FBXO32: variants seen among roughly 807,000 people sequenced by gnomAD.
FBXO32 encodes F-box only protein 32.
A neutral mutation model predicts 48.3 loss-of-function variants in FBXO32; 15 were observed. That is an observed-to-expected ratio of 0.31 (90% CI 0.21 to 0.48). FBXO32 has a LOEUF of 0.48. Among genes scored for constraint, FBXO32 ranks in the 20% least tolerant of loss-of-function variants. FBXO32 has a pLI of 0.99. For missense variants in FBXO32, 309 were observed against 432.7 expected (o/e 0.71, Z 2.54); for synonymous variants, 154 against 165.9 (o/e 0.93, Z 0.55).
intron 1 of FBXO32, among the ~76,000 whole-genome samples, chr8:123,538,434 T>G (rs1389288043): frequency 6.6e-6 from 1 of 152,166 alleles, no homozygotes; most frequent in Non-Finnish European, 1.5e-5. Context: ...AGGGCCTGCC[T>G]TTTGTTTTCT....
chr8:123,513,782 G>C lies in FBXO32; in HGVS notation c.467-400C>G, dbSNP rs1319625489. On this transcript the variant is annotated intron_variant, in intron 5 of 8. Coordinates refer to ENST00000517956, the MANE Select transcript of FBXO32 (RefSeq NM_058229.4). This position sits in a 1 kb window ranked among gnomAD's most constrained non-coding sequence, Gnocchi z 4.3. ...TCTAATCCTGTCTGGCTGACTCTCT[G>C]TGTGATTATGGACAAATCACTTCTC... Among the ~76,000 whole-genome samples, 1 of 152,158 alleles carries C rather than the reference G, an allele frequency of 6.6e-6. No individual in the cohort carries two copies. The highest frequency in any genetic ancestry group is 1.5e-5 in the Non-Finnish European group (1 of 68,028).
chr8:123,540,978 G>GC lies in FBXO32; in HGVS notation c.36dup (p.Gln13AlafsTer16). On this transcript the variant is annotated frameshift_variant, in exon 1 of 9. Coordinates refer to ENST00000517956, the MANE Select transcript of FBXO32 (RefSeq NM_058229.4). LOFTEE classifies it high-confidence loss of function. This position sits in a 1 kb window ranked among gnomAD's most constrained non-coding sequence, Gnocchi z 6.4. ...CCGTCGGCCGTCTTCACCCAGTTCT[G>GC]CCCGGGGGACCGCCAGTCCTGCCCG... 6.2e-7 allele frequency: 1 copy of GC among 1,612,814 alleles called. No individual in the cohort carries two copies. The highest frequency in any genetic ancestry group is 8.5e-7 in the Non-Finnish European group (1 of 1,179,466).
At chr8:123,531,040 C>T (rs561276525) in intron 4 of FBXO32, among the ~76,000 whole-genome samples, 142 of 138,404 alleles carry the variant, frequency 1.0e-3, no homozygotes, top group South Asian at 1.9e-3. Flanking sequence ...AGTGCAATGG[C>T]GCAATCTCAG....
At chr8:123,536,987 C>A (rs1817321315) in intron 1 of FBXO32, among the ~76,000 whole-genome samples, 1 of 152,102 alleles carries the variant, frequency 6.6e-6, no homozygotes, top group Non-Finnish European at 1.5e-5. Flanking sequence ...AAAGTTTTAA[C>A]CAAAGAGAAA....
At chr8:123,503,535 T>G in intron 8 of FBXO32, 73 bp from the exon 9 acceptor site, 1 of 1,204,912 alleles carries the variant, frequency 8.3e-7, no homozygotes, top group Non-Finnish European at 1.2e-6. Flanking sequence ...TAAGGCATTT[T>G]CCAACTTCAA....
At chr8:123,536,223 T>G (rs1817306698) in intron 1 of FBXO32, among the ~76,000 whole-genome samples, 1 of 152,240 alleles carries the variant, frequency 6.6e-6, no homozygotes, top group Non-Finnish European at 1.5e-5. Context: ...TTGAGTTTCC[T>G]ACTAAACTCA....
rs557861412 is a variant in FBXO32 at position 123,507,587 on chromosome 8, G to A, written c.652-1013C>T. ...GCCTCCGTGGAGCATTGTGAAAACT[G>A]CTGGTCTGTGGATGATACCTTGGCA... On this transcript the variant is annotated intron_variant, in intron 6 of 8. Transcript: ENST00000517956. 1.4e-4 allele frequency among the ~76,000 whole-genome samples: 21 copies of A among 152,204 alleles called. No homozygotes were observed. In the South Asian group the frequency reaches 3.7e-3, roughly 27 times the overall value.
In FBXO32 at chr8:123,513,449, C is replaced by T. The variant is rs1453522723; in HGVS notation, c.467-67G>A. On this transcript the variant is annotated intron_variant, in intron 5 of 8. Transcript: ENST00000517956. The surrounding 1 kb of genome is among the most constrained non-coding windows in gnomAD (Gnocchi z 4.3). ...GAACACCCTGTATTTTACACATGAG[C>T]TTGTCTCTGTCTGTATTCCACTCAT... 2 of 1,342,620 alleles carry T rather than the reference C, an allele frequency of 1.5e-6. No homozygotes were observed. The highest frequency in any genetic ancestry group is 2.9e-5 in the African/African-American group (2 of 68,922). The allele number at this position is 1,342,620 out of a possible 1,614,324, so 83.2% of individuals were successfully genotyped here.
intron 4 of FBXO32, among the ~76,000 whole-genome samples, chr8:123,515,524 C>T (rs1418392085): frequency 1.3e-5 from 2 of 151,418 alleles, no homozygotes; most frequent in South Asian, 2.1e-4. Context: ...GCTGGGATTA[C>T]AGGCATGAGC....
intron 4 of FBXO32, chr8:123,527,119 C>T (rs1817095084): frequency 6.6e-6 from 1 of 152,214 alleles, no homozygotes; most frequent in African/African-American, 2.4e-5. Context: ...ACAAATCATT[C>T]TTAGCTCATG....
At position 123,500,215 on chromosome 8, in the gene FBXO32, G is replaced by C. The variant is rs75840122; in HGVS notation, c.*3158C>G. On this transcript the variant is annotated 3_prime_UTR_variant, in exon 9 of 9. Transcript: ENST00000517956. ...TATTCTCCTTGTCCCAAATGCAAGGGTTTACTCTCAAGAGACTCTAGGCTC... is the reference window on the plus strand; with the variant it reads ...TATTCTCCTTGTCCCAAATGCAAGGCTTTACTCTCAAGAGACTCTAGGCTC... The C allele has an allele frequency of 1.3e-5, 2 of 152,158 alleles. No homozygotes were observed. Among genetic ancestry groups the C allele is most frequent in the African/African-American group, 4.8e-5 (2 of 41,514 alleles). The allele number at this position is 152,158 out of a possible 1,614,324, so 9.4% of individuals were successfully genotyped here.
chr8:123,524,052 A>G (rs979808520), intron 4 of FBXO32, among the ~76,000 whole-genome samples: 9 of 152,222 alleles, frequency 5.9e-5, no homozygotes, highest in Admixed American at 5.2e-4. Context: ...ATATGCATAA[A>G]TTGAGAGTGC....
Position 123,515,405 on chromosome 8 carries a change from G to GTT in FBXO32, c.373-1074_373-1073dup, listed in dbSNP as rs748861766. 8.1e-3 allele frequency among the ~76,000 whole-genome samples: 1,124 copies of GTT among 139,356 alleles called. 17 individuals carry two copies. Among genetic ancestry groups the GTT allele is most frequent in the African/African-American group, 0.027 (1,044 of 38,234 alleles). 91.4% of individuals were successfully genotyped at this position (139,356 alleles called of 152,430 possible). ...CATGTGCCACTACGCCTGGCTAACA[G>GTT]TTTTTTTTTTTTTTTGTATTTTTAT... On this transcript the variant is annotated intron_variant, in intron 4 of 8. Coordinates refer to ENST00000517956, the MANE Select transcript of FBXO32 (RefSeq NM_058229.4).
chr8:123,506,683 A>G lies in FBXO32; in HGVS notation c.652-109T>C, dbSNP rs989236888. The G allele has an allele frequency of 4.4e-6, 4 of 916,286 alleles. No homozygotes were observed. Among genetic ancestry groups the G allele is most frequent in the Non-Finnish European group, 5.0e-6 (3 of 600,098 alleles). 56.8% of individuals were successfully genotyped at this position (916,286 alleles called of 1,614,324 possible). On this transcript the variant is annotated intron_variant, in intron 6 of 8. Coordinates refer to ENST00000517956, the MANE Select transcript of FBXO32 (RefSeq NM_058229.4). The surrounding 1 kb of genome is among the most constrained non-coding windows in gnomAD (Gnocchi z 4.0). Reference sequence around the variant, plus strand: ...CCGTCCTCCACCCTCAAGGCAGTTTATTGATAAGAGGTCGAAAGCAGTAGT... The same window carrying G: ...CCGTCCTCCACCCTCAAGGCAGTTTGTTGATAAGAGGTCGAAAGCAGTAGT...
chr8:123,523,587 T>A (rs1817007166), intron 4 of FBXO32, among the ~76,000 whole-genome samples: 1 of 140,116 alleles, frequency 7.1e-6, no homozygotes, highest in Non-Finnish European at 1.6e-5. Context: ...AGACTCCGTC[T>A]CAAAACAAAA....
intron 6 of FBXO32, among the ~76,000 whole-genome samples, chr8:123,512,333 TA>T (rs1303845514): frequency 6.6e-6 from 1 of 152,190 alleles, no homozygotes; most frequent in Admixed American, 6.5e-5. Flanking sequence ...AACAGTTATT[TA>T]AAAGAAGCCA....
chr8:123,525,377 A>C lies in FBXO32; in HGVS notation c.372+6521T>G, dbSNP rs1163864759. Among the ~76,000 whole-genome samples the C allele has an allele frequency of 4.6e-5, 7 of 152,266 alleles. No homozygotes were observed. In the East Asian group the frequency reaches 9.7e-4, roughly 21 times the overall value. ...ACGGGTCAGTTTACTCCAGTGAGAA[A>C]ATTGGTACTCAAGTTCTCCGTGACC... On this transcript the variant is annotated intron_variant, in intron 4 of 8. Transcript: ENST00000517956. The surrounding 1 kb of genome is among the most constrained non-coding windows in gnomAD (Gnocchi z 4.3).
chr8:123,510,676 T>G lies in FBXO32; in HGVS notation c.651+2522A>C, dbSNP rs1199142076. ...ATAATACAGGGCCATGTTTTCCAATTGTGTTCCTTTGAACACTGAACGAGT... is the reference window on the plus strand; with the variant it reads ...ATAATACAGGGCCATGTTTTCCAATGGTGTTCCTTTGAACACTGAACGAGT... On this transcript the variant is annotated intron_variant, in intron 6 of 8. Coordinates refer to ENST00000517956, the MANE Select transcript of FBXO32 (RefSeq NM_058229.4). Among the ~76,000 whole-genome samples, 4 of 152,156 alleles carry G rather than the reference T, an allele frequency of 2.6e-5. No individual in the cohort carries two copies. The East Asian group carries it at 7.7e-4, about 29-fold the overall frequency.
rs560301341 is a variant in FBXO32, at chr8:123,508,228, A to C, written c.652-1654T>G. Among the ~76,000 whole-genome samples the C allele has an allele frequency of 9.2e-5, 14 of 152,280 alleles. No homozygotes were observed. The South Asian group carries it at 2.9e-3, about 32-fold the overall frequency. ...ATTTCCCTGCCCAAATTTTTACAGG[A>C]GCCAAACTCTGTACAAAGCACATCG... On this transcript the variant is annotated intron_variant, in intron 6 of 8. Coordinates refer to ENST00000517956, the MANE Select transcript of FBXO32 (RefSeq NM_058229.4).
Sources: allele counts gnomAD v4.1 joint callset (sites outside exome capture counted in the v4.1 genomes callset), GRCh38; gene constraint gnomAD v4.1.1; non-coding constraint Gnocchi (gnomAD v3.1); transcripts MANE v1.5; gene names NCBI Gene and HGNC (gene_info 2026-07-23, HGNC 2026-07-21).